PDZD2: variants seen among roughly 807,000 people sequenced by gnomAD.
The protein encoded by PDZD2 is PDZ domain-containing protein 2.
A neutral mutation model predicts 220.7 loss-of-function variants in PDZD2; 90 were observed. The ratio of observed to expected loss-of-function variants is 0.41; its 90% CI spans 0.34 to 0.49. The LOEUF is 0.49. PDZD2 is among the 20% of genes least tolerant of loss of function. The pLI, the probability that PDZD2 is intolerant of heterozygous loss-of-function variation, is 0.28. For synonymous variants in PDZD2, 1,375 were observed against 1,450.5 expected, an observed-to-expected ratio of 0.95 and a Z score of 1.18; for missense variants, 3,174 against 3,608.5, an observed-to-expected ratio of 0.88 and a Z score of 3.08.
intron 6 of PDZD2, among the ~76,000 whole-genome samples, chr5:32,020,786 A>G (rs751897633): frequency 3.3e-5 from 5 of 151,804 alleles, no homozygotes; most frequent in Non-Finnish European, 5.9e-5. Context: ...CTGGGACTAT[A>G]GGTGCACACC....
chr5:31,845,451 A>C (rs1312937595), intron 2 of PDZD2, among the ~76,000 whole-genome samples: 1 of 152,216 alleles, frequency 6.6e-6, no homozygotes, highest in African/African-American at 2.4e-5. Flanking sequence ...ATGTGAACCA[A>C]GTAAGTTTCA....
chr5:31,763,870 TAAA>T (rs67321443), intron 1 of PDZD2, among the ~76,000 whole-genome samples: 9 of 137,516 alleles, frequency 6.5e-5, no homozygotes, highest in Admixed American at 7.2e-5. Context: ...GCCCTCTGAT[TAAA>T]AAAAAAAAAA....
chr5:31,700,628 C>G (rs1329878604), intron 1 of PDZD2, among the ~76,000 whole-genome samples: 1 of 152,180 alleles, frequency 6.6e-6, no homozygotes. Context: ...TTCCCTTTTG[C>G]AGATACAGAA....
At chr5:31,649,961 A>AAAC (rs1422383593) in intron 1 of PDZD2, among the ~76,000 whole-genome samples, 41 of 149,896 alleles carry the variant, frequency 2.7e-4, no homozygotes, top group African/African-American at 9.5e-4. Flanking sequence ...AAAAAAAAAA[A>AAAC]AAATTAAGTC....
intron 1 of PDZD2, among the ~76,000 whole-genome samples, chr5:31,643,192 C>T (rs767043450): frequency 6.6e-6 from 1 of 152,170 alleles, no homozygotes; most frequent in African/African-American, 2.4e-5. Context: ...ATAAACCTCT[C>T]ACCAAAGTCA....
intron 2 of PDZD2, among the ~76,000 whole-genome samples, chr5:31,802,592 A>G (rs1461746780): frequency 6.6e-6 from 1 of 152,214 alleles, no homozygotes; most frequent in African/African-American, 2.4e-5. Context: ...GTTCTATAAC[A>G]TACCTGAGAT....
At chr5:31,885,395 T>C (rs1432103131) in intron 2 of PDZD2, among the ~76,000 whole-genome samples, 1 of 152,156 alleles carries the variant, frequency 6.6e-6, no homozygotes, top group Non-Finnish European at 1.5e-5. Flanking sequence ...TTGTCATCTG[T>C]TAAAATTGTA....
intron 13 of PDZD2, among the ~76,000 whole-genome samples, chr5:32,059,585 G>C (rs1203471557): frequency 6.6e-6 from 1 of 152,092 alleles, no homozygotes; most frequent in African/African-American, 2.4e-5. Context: ...TGCTTATTTT[G>C]TTCTATTTGG....
chr5:31,835,580 G>A (rs544839329), intron 2 of PDZD2, among the ~76,000 whole-genome samples: 214 of 150,284 alleles, frequency 1.4e-3, no homozygotes, highest in African/African-American at 4.5e-3. Context: ...TCGCGCCACT[G>A]CACTCCAGCC....
intron 2 of PDZD2, among the ~76,000 whole-genome samples, chr5:31,969,423 G>A (rs1348095831): frequency 1.3e-5 from 2 of 148,302 alleles, no homozygotes; most frequent in South Asian, 2.1e-4. Context: ...GTGGGGGAAT[G>A]GCTTGAGCCT....
At chr5:32,001,044 G>A (rs188155123) in intron 5 of PDZD2, among the ~76,000 whole-genome samples, 13 of 152,306 alleles carry the variant, frequency 8.5e-5, no homozygotes, top group Admixed American at 4.6e-4. Flanking sequence ...TAGGTTGCAC[G>A]CGTCTTATGA....
chr5:31,868,108 C>G (rs2150319771), intron 2 of PDZD2, among the ~76,000 whole-genome samples: 1 of 152,312 alleles, frequency 6.6e-6, no homozygotes, highest in African/African-American at 2.4e-5. Flanking sequence ...TCACCTCTGT[C>G]TGACCCCACA....
intron 2 of PDZD2, among the ~76,000 whole-genome samples, chr5:31,965,548 C>T (rs189453581): frequency 4.1e-4 from 63 of 152,278 alleles, no homozygotes; most frequent in African/African-American, 1.5e-3. Flanking sequence ...CAAAGGTTAC[C>T]GGCTCTAAGA....
At chr5:31,869,906 T>C (rs1738623911) in intron 2 of PDZD2, among the ~76,000 whole-genome samples, 2 of 152,184 alleles carry the variant, frequency 1.3e-5, no homozygotes, top group South Asian at 2.1e-4. Context: ...TCTGGGAGGA[T>C]TCGTGCCCTC....
At chr5:31,832,257 G>T (rs976982962) in intron 2 of PDZD2, among the ~76,000 whole-genome samples, 49 of 151,976 alleles carry the variant, frequency 3.2e-4, no homozygotes, top group African/African-American at 1.2e-3. Context: ...AGTTACCAGA[G>T]GTCGGGAGAA....
At chr5:31,818,400 GTC>G (rs1337485864) in intron 2 of PDZD2, among the ~76,000 whole-genome samples, 1 of 152,174 alleles carries the variant, frequency 6.6e-6, no homozygotes, top group East Asian at 1.9e-4. Flanking sequence ...GGATCTAGAT[GTC>G]TCTCATCCAC....
At chr5:31,930,552 A>G (rs928953396) in intron 2 of PDZD2, among the ~76,000 whole-genome samples, 8 of 152,144 alleles carry the variant, frequency 5.3e-5, no homozygotes, top group Non-Finnish European at 1.0e-4. Flanking sequence ...ATAGATGAAG[A>G]ATGGTCTCAA....
chr5:31,851,879 T>TA (rs1404231780), intron 2 of PDZD2, among the ~76,000 whole-genome samples: 2 of 152,022 alleles, frequency 1.3e-5, no homozygotes, highest in African/African-American at 4.8e-5. Flanking sequence ...TCCCCTGAGA[T>TA]AGAGTCTTGC....
intron 2 of PDZD2, among the ~76,000 whole-genome samples, chr5:31,920,964 T>C (rs1405632334): frequency 6.6e-6 from 1 of 152,212 alleles, no homozygotes; most frequent in Non-Finnish European, 1.5e-5. Context: ...CTTTTCAGTG[T>C]CATGTAATAC....
Sources: allele counts gnomAD v4.1 joint callset (sites outside exome capture counted in the v4.1 genomes callset), GRCh38; gene constraint gnomAD v4.1.1; transcripts MANE v1.5; gene names NCBI Gene and HGNC (gene_info 2026-07-23, HGNC 2026-07-21).